The following EPHX1 variants were observed in gnomAD, a reference collection of about 807,000 sequenced individuals.
The protein encoded by EPHX1 is epoxide hydratase.
In EPHX1, 40 loss-of-function variants were observed where a neutral mutation model predicts 43.2. That is an observed-to-expected ratio of 0.93 (90% CI 0.72 to 1.21). EPHX1 has a LOEUF of 1.21. EPHX1 is among the 50% of genes most tolerant of loss of function. The pLI is 0.00. For synonymous variants in EPHX1, 221 were observed against 226.7 expected, an observed-to-expected ratio of 0.98 and a Z score of 0.22; for missense variants, 550 against 570.4, an observed-to-expected ratio of 0.96 and a Z score of 0.36.
intron 5 of EPHX1, among the ~76,000 whole-genome samples, chr1:225,839,550 C>T (rs1668216171): frequency 6.6e-6 from 1 of 152,092 alleles, no homozygotes; most frequent in Admixed American, 6.5e-5. Context: ...GGTCAGGTTC[C>T]CAGGCAGAGA....
rs749866786 is a variant in EPHX1, at chr1:225,839,893, C to G, written c.787C>G (p.Leu263Val). ...AAGCAACTTCTCTACCCTGACCCTC[C>G]TCCTGGGACAGCGTTTCGGGAGGTT... Reference protein sequence around the residue: ...VLSNFSTLTLLLGQRFGRFLG... With the variant: ...VLSNFSTLTLVLGQRFGRFLG... The change falls in exon 6 of 9, where the codon CTC (leucine) becomes GTC (valine). Residue 263 changes from leucine to valine, a missense_variant. Transcript: ENST00000272167. 1.2e-6 allele frequency: 2 copies of G among 1,614,232 alleles called. No individual in the cohort carries two copies. Among genetic ancestry groups the G allele is most frequent in the Admixed American group, 3.3e-5 (2 of 60,028 alleles).
chr1:225,843,169 G>A (rs1668575378), intron 7 of EPHX1, among the ~76,000 whole-genome samples: 1 of 152,084 alleles, frequency 6.6e-6, no homozygotes. Context: ...CATAGATGTT[G>A]AATGAATGCG....
At chr1:225,813,438 A>G (rs1666576584) in intron 1 of EPHX1, among the ~76,000 whole-genome samples, 1 of 152,176 alleles carries the variant, frequency 6.6e-6, no homozygotes. Context: ...CCGTTAGGGG[A>G]CCAAAGCGTT....
rs572791331 is a variant in EPHX1 at position 225,818,087 on chromosome 1, C to T, written c.-6+7918C>T. On this transcript the variant is annotated intron_variant, in intron 1 of 8. Coordinates refer to ENST00000272167, the MANE Select transcript of EPHX1 (RefSeq NM_001136018.4). ...TTGGGGTCAGGGGGCGTTATAGTGC[C>T]TCATGCCACCTACTCAGCCCTCTTC... Among the ~76,000 whole-genome samples the T allele has an allele frequency of 1.8e-3, 274 of 152,154 alleles. 2 individuals are homozygous for T. The highest frequency in any genetic ancestry group is 6.3e-3 in the African/African-American group (263 of 41,430).
At chr1:225,835,152 G>A (rs912654137) in intron 3 of EPHX1, among the ~76,000 whole-genome samples, 3 of 152,176 alleles carry the variant, frequency 2.0e-5, no homozygotes, top group Non-Finnish European at 4.4e-5. Flanking sequence ...GCAGGAGGCA[G>A]TAAAGGGCCC....
rs145606194 is a variant in EPHX1, at chr1:225,840,962, G to T, written c.931+925G>T. The stretch of plus-strand genomic sequence containing the variant: ...ACATGTTGTCAAAAAGCTTAAAAAT[G>T]CAAAAAGTACAAAACATTAAAGACA... On this transcript the variant is annotated intron_variant, in intron 6 of 8. Coordinates refer to ENST00000272167, the MANE Select transcript of EPHX1 (RefSeq NM_001136018.4). 29 of 152,306 alleles carry T rather than the reference G, an allele frequency of 1.9e-4. No individual in the cohort carries two copies. In the East Asian group the frequency reaches 5.4e-3, roughly 28 times the overall value. The allele number at this position is 152,306 out of a possible 1,614,324, so 9.4% of individuals were successfully genotyped here.
intron 1 of EPHX1, among the ~76,000 whole-genome samples, chr1:225,820,202 A>C (rs547956125): frequency 6.6e-6 from 1 of 152,062 alleles, no homozygotes; most frequent in Non-Finnish European, 1.5e-5. Context: ...GGTTCAAGCA[A>C]TTCTCCCTGC....
intron 7 of EPHX1, 76 bp downstream of exon 7, chr1:225,842,550 T>G (rs763027083): frequency 1.3e-5 from 14 of 1,045,850 alleles, no homozygotes; most frequent in Non-Finnish European, 2.0e-5. Flanking sequence ...CATCCCCTTG[T>G]CTGGTTGCTC....
intron 1 of EPHX1, among the ~76,000 whole-genome samples, chr1:225,818,223 C>G (rs955715868): frequency 5.3e-5 from 8 of 152,180 alleles, no homozygotes; most frequent in East Asian, 1.9e-4. Flanking sequence ...TTTCTATGCT[C>G]TCATTCAAAG....
chr1:225,829,623 TG>T lies in EPHX1; in HGVS notation c.183+713del, dbSNP rs1667467362. On this transcript the variant is annotated intron_variant, in intron 2 of 8. Coordinates refer to ENST00000272167, the MANE Select transcript of EPHX1 (RefSeq NM_001136018.4). ...GACAGGACGGTAGGCAGGCCTGGCA[TG>T]GCCCTGCCAATCCTTTCTTTCATTC... 2.6e-5 allele frequency among the ~76,000 whole-genome samples: 4 copies of T among 152,258 alleles called. No individual in the cohort carries two copies. The South Asian group carries it at 8.3e-4, about 32-fold the overall frequency.
At chr1:225,823,801 C>T (rs574231310) in intron 1 of EPHX1, among the ~76,000 whole-genome samples, 13 of 152,326 alleles carry the variant, frequency 8.5e-5, no homozygotes, top group African/African-American at 3.1e-4. Flanking sequence ...TCGCTTTCAC[C>T]AGCCCAACCC....
intron 1 of EPHX1, among the ~76,000 whole-genome samples, chr1:225,823,618 G>A (rs557863804): frequency 1.2e-4 from 19 of 152,318 alleles, no homozygotes; most frequent in African/African-American, 3.4e-4. Flanking sequence ...TGGATGTAGG[G>A]GTGATGCAGC....
intron 1 of EPHX1, among the ~76,000 whole-genome samples, chr1:225,814,569 T>C (rs993539900): frequency 6.6e-6 from 1 of 152,146 alleles, no homozygotes; most frequent in African/African-American, 2.4e-5. Context: ...CTGGCTTTAG[T>C]CCAGGAGCAG....
intron 7 of EPHX1, 84 bp downstream of exon 7, chr1:225,842,558 C>T (rs1307477603): frequency 2.6e-5 from 26 of 996,048 alleles, no homozygotes; most frequent in Non-Finnish European, 4.2e-5. Context: ...TGTCTGGTTG[C>T]TCTGCATGGG....
intron 1 of EPHX1, among the ~76,000 whole-genome samples, chr1:225,813,770 C>A (rs1666594194): frequency 6.6e-6 from 1 of 152,214 alleles, no homozygotes; most frequent in Non-Finnish European, 1.5e-5. Context: ...CTGTCTGTGT[C>A]TTTCCGTCTG....
intron 5 of EPHX1, 65 bp downstream of exon 5, chr1:225,839,411 A>C: frequency 6.6e-7 from 1 of 1,506,116 alleles, no homozygotes; most frequent in South Asian, 1.2e-5. Context: ...GTCCTCTAAG[A>C]AGTGGACCTG....
At chr1:225,837,592 A>C (rs970594739) in intron 3 of EPHX1, among the ~76,000 whole-genome samples, 4 of 151,428 alleles carry the variant, frequency 2.6e-5, no homozygotes, top group Non-Finnish European at 5.9e-5. Flanking sequence ...ATCTCGGCTC[A>C]GTGCAACCTC....
At chr1:225,842,305 G>A in intron 6 of EPHX1, 61 bp from the exon 7 acceptor site, 1 of 1,281,712 alleles carries the variant, frequency 7.8e-7, no homozygotes, top group Non-Finnish European at 1.1e-6. Context: ...CATCACACCT[G>A]AAGCTCCAGC....
intron 1 of EPHX1, among the ~76,000 whole-genome samples, chr1:225,825,753 C>T (rs1430099252): frequency 6.6e-6 from 1 of 152,166 alleles, no homozygotes; most frequent in East Asian, 1.9e-4. Context: ...CGGGCACAGC[C>T]CTGCCTTCCC....
Sources: gnomAD v4.1 joint callset for allele counts (sites outside exome capture counted in the v4.1 genomes callset) on GRCh38, gnomAD v4.1.1 for gene constraint, MANE v1.5 for transcripts, NCBI Gene and HGNC (gene_info 2026-07-23, HGNC 2026-07-21) for gene names.